Variants in PDE7B observed in about 807,000 individuals in gnomAD.
PDE7B encodes the protein phosphodiesterase 7B, also known as 3',5'-cyclic-AMP phosphodiesterase 7B.
In PDE7B, 29 loss-of-function variants were observed where a neutral mutation model predicts 56.2. The observed-to-expected ratio is 0.52, with a 90% CI of 0.38 to 0.70. The LOEUF (loss-of-function observed/expected upper bound fraction) is 0.70. Among genes scored for constraint, PDE7B ranks in the 30% least tolerant of loss-of-function variants. The pLI is 0.00. For missense variants in PDE7B, 490 were observed against 565.0 expected, an observed-to-expected ratio of 0.87 and a Z score of 1.35; for synonymous variants, 197 against 196.9, an observed-to-expected ratio of 1.00 and a Z score of 0.00.
Position 136,179,016 on chromosome 6 carries a change from C to A in PDE7B, c.823C>A (p.Leu275Met). The A allele has an allele frequency of 6.2e-7, 1 of 1,614,184 alleles. No individual in the cohort carries two copies. The highest frequency in any genetic ancestry group is 1.1e-5 in the South Asian group (1 of 91,080). Reference protein sequence around the residue: ...KEMTQDIEQQLGSLILATDIN... With the variant: ...KEMTQDIEQQMGSLILATDIN... Reference sequence around the variant, plus strand: ...ATGCAGACAGGATATTGAACAGCAGCTGGGCTCCTTGATCTTGGCAACAGA... The same window carrying A: ...ATGCAGACAGGATATTGAACAGCAGATGGGCTCCTTGATCTTGGCAACAGA... Residue 275 changes from leucine (L) to methionine (M), a missense_variant, in exon 10 of 13, where the codon CTG becomes ATG. Coordinates refer to ENST00000308191, the MANE Select transcript of PDE7B (RefSeq NM_018945.4).
At chr6:136,146,990 A>G (rs1198116731) in intron 3 of PDE7B, among the ~76,000 whole-genome samples, 4 of 152,122 alleles carry the variant, frequency 2.6e-5, no homozygotes, top group African/African-American at 9.7e-5. Context: ...AAAAATATAA[A>G]TATTAGCTAG....
intron 8 of PDE7B, among the ~76,000 whole-genome samples, chr6:136,171,340 G>A (rs1459043363): frequency 1.3e-5 from 2 of 152,168 alleles, no homozygotes; most frequent in Non-Finnish European, 2.9e-5. Flanking sequence ...AAGATTACCG[G>A]CAGAGCTGCC....
At chr6:136,136,049 A>C (rs1778207524) in intron 3 of PDE7B, among the ~76,000 whole-genome samples, 1 of 152,082 alleles carries the variant, frequency 6.6e-6, no homozygotes, top group Non-Finnish European at 1.5e-5. Flanking sequence ...TAAAATCCTC[A>C]TGTATGCTTT....
chr6:135,868,261 T>G (rs947123850), intron 1 of PDE7B, among the ~76,000 whole-genome samples: 1 of 152,138 alleles, frequency 6.6e-6, no homozygotes, highest in Non-Finnish European at 1.5e-5. Flanking sequence ...TTCTCTGAGT[T>G]TTTGTCCTTG....
chr6:136,050,213 A>G (rs377166425), intron 2 of PDE7B, among the ~76,000 whole-genome samples: 1 of 152,208 alleles, frequency 6.6e-6, no homozygotes, highest in Admixed American at 6.5e-5. Context: ...ATGGCACTAT[A>G]TAAGTGTGTA....
At chr6:135,948,627 T>C (rs1259557176) in intron 2 of PDE7B, among the ~76,000 whole-genome samples, 1 of 151,980 alleles carries the variant, frequency 6.6e-6, no homozygotes, top group Non-Finnish European at 1.5e-5. Context: ...TTAAATTCTT[T>C]ACTGATTTTT....
At chr6:135,911,547 C>T (rs1776212618) in intron 1 of PDE7B, among the ~76,000 whole-genome samples, 1 of 152,188 alleles carries the variant, frequency 6.6e-6, no homozygotes, top group Admixed American at 6.5e-5. Flanking sequence ...GACCCAGAAA[C>T]ATTCTGCTGT....
At chr6:135,871,447 A>G (rs1583722169) in intron 1 of PDE7B, among the ~76,000 whole-genome samples, 1 of 152,314 alleles carries the variant, frequency 6.6e-6, no homozygotes, top group Admixed American at 6.5e-5. Flanking sequence ...TCCTTAAGAT[A>G]CCAGAAAGAC....
intron 2 of PDE7B, among the ~76,000 whole-genome samples, chr6:136,089,782 G>T (rs989240139): frequency 6.6e-6 from 1 of 152,138 alleles, no homozygotes; most frequent in Non-Finnish European, 1.5e-5. Context: ...GCCAGTTATT[G>T]GTCATAATTA....
chr6:135,887,620 T>C (rs1238273873), intron 1 of PDE7B, among the ~76,000 whole-genome samples: 1 of 152,152 alleles, frequency 6.6e-6, no homozygotes, highest in East Asian at 1.9e-4. Flanking sequence ...AGCAAAGATT[T>C]GTCCTTAGTA....
intron 9 of PDE7B, among the ~76,000 whole-genome samples, chr6:136,174,406 C>T (rs1430372098): frequency 2.0e-5 from 3 of 152,144 alleles, no homozygotes; most frequent in Middle Eastern, 3.2e-3. Flanking sequence ...ATTTACCTTA[C>T]GTCTCTTGCA....
intron 2 of PDE7B, among the ~76,000 whole-genome samples, chr6:136,053,792 C>G (rs1474683271): frequency 6.6e-6 from 1 of 152,092 alleles, no homozygotes; most frequent in Non-Finnish European, 1.5e-5. Context: ...TTTTGATTTG[C>G]ATTTCTCTGA....
chr6:135,956,850 AAG>A (rs1393264096), intron 2 of PDE7B, among the ~76,000 whole-genome samples: 1 of 151,858 alleles, frequency 6.6e-6, no homozygotes, highest in African/African-American at 2.4e-5. Flanking sequence ...GAAAGAAAGA[AAG>A]AAGAAAAGAA....
chr6:135,972,340 G>A lies in PDE7B; in HGVS notation c.82+24816G>A, dbSNP rs142688796. On this transcript the variant is annotated intron_variant, in intron 2 of 12. Transcript: ENST00000308191. ...TTTGATGTTACAAGAATGCTTGAGA[G>A]TCTGTTTTGGCTACTGTCAAGTCAT... Among the ~76,000 whole-genome samples the A allele has an allele frequency of 1.6e-3, 239 of 150,920 alleles. 1 individual carries two copies. In the East Asian group the frequency reaches 0.027, roughly 17 times the overall value.
intron 2 of PDE7B, among the ~76,000 whole-genome samples, chr6:135,958,017 A>G (rs1774828464): frequency 6.6e-6 from 1 of 152,138 alleles, no homozygotes; most frequent in Admixed American, 6.5e-5. Flanking sequence ...GGATACCCTG[A>G]GCTCAGGAGT....
chr6:136,064,164 A>G (rs1776891980), intron 2 of PDE7B, among the ~76,000 whole-genome samples: 1 of 152,170 alleles, frequency 6.6e-6, no homozygotes, highest in Non-Finnish European at 1.5e-5. Flanking sequence ...ATGGAAGACT[A>G]TTAGTATTTA....
At chr6:135,899,742 G>T (rs1324470922) in intron 1 of PDE7B, among the ~76,000 whole-genome samples, 2 of 151,780 alleles carry the variant, frequency 1.3e-5, no homozygotes, top group Non-Finnish European at 2.9e-5. Flanking sequence ...TGGTAGTCTT[G>T]GATTTCTCTA....
At position 135,851,874 on chromosome 6, in the gene PDE7B, TA is replaced by T; in HGVS notation, c.-124del. 3.3e-6 allele frequency: 2 copies of T among 614,414 alleles called. No individual in the cohort carries two copies. Among genetic ancestry groups the T allele is most frequent in the Non-Finnish European group, 5.9e-6 (2 of 340,220 alleles). 38.1% of individuals were successfully genotyped at this position (614,414 alleles called of 1,614,324 possible). The stretch of plus-strand genomic sequence containing the variant: ...CTTTTTTTTCTTTTTTTTTTTTTGT[TA>T]CTTAATTATATTCCTAATCCTGGAT... On this transcript the variant is annotated 5_prime_UTR_variant, in exon 1 of 13. Transcript: ENST00000308191.
At chr6:136,138,259 A>G (rs1275780464) in intron 3 of PDE7B, among the ~76,000 whole-genome samples, 1 of 152,138 alleles carries the variant, frequency 6.6e-6, no homozygotes, top group Non-Finnish European at 1.5e-5. Flanking sequence ...CAAAGTAAAT[A>G]TGGTAGCTAT....
Sources: gnomAD v4.1 joint callset for allele counts (sites outside exome capture counted in the v4.1 genomes callset) on GRCh38, gnomAD v4.1.1 for gene constraint, MANE v1.5 for transcripts, NCBI Gene and HGNC (gene_info 2026-07-23, HGNC 2026-07-21) for gene names.